CCSER1: variants seen among roughly 807,000 people sequenced by gnomAD.
The protein encoded by CCSER1 is coiled-coil serine rich protein 1, also known as serine-rich coiled-coil domain-containing protein 1.
In CCSER1, 41 loss-of-function variants were observed where a neutral mutation model predicts 82.0. That is an observed-to-expected ratio of 0.50 (90% CI 0.39 to 0.65). CCSER1 has a LOEUF of 0.65. Ranked by LOEUF, CCSER1 falls within the 30% of genes least tolerant of loss-of-function variation. The pLI is 0.00. For synonymous variants in CCSER1, 414 were observed against 383.9 expected (o/e 1.08, Z -0.92); for missense variants, 1,119 against 1,064.2 (o/e 1.05, Z -0.72).
intron 10 of CCSER1, among the ~76,000 whole-genome samples, chr4:91,229,804 C>T (rs1159524114): frequency 6.6e-6 from 1 of 151,830 alleles, no homozygotes; most frequent in Non-Finnish European, 1.5e-5. Context: ...TGGACACAGG[C>T]AGGGGAACAT....
chr4:90,463,583 T>A (rs922773790), intron 4 of CCSER1, among the ~76,000 whole-genome samples: 6 of 152,202 alleles, frequency 3.9e-5, no homozygotes, highest in Admixed American at 1.3e-4. Flanking sequence ...CGGGTTGTTA[T>A]GTGGTAGATA....
rs7667419 is a variant in CCSER1, at chr4:90,299,909, A to C, written c.-41-8335A>C. On this transcript the variant is annotated intron_variant, in intron 1 of 10. Coordinates refer to ENST00000509176, the MANE Select transcript of CCSER1 (RefSeq NM_001145065.2). ...GATCAATGTCCTTTGATATGTTTACATATTATTAATTTTCTGCCATCATTT... is the reference window on the plus strand; with the variant it reads ...GATCAATGTCCTTTGATATGTTTACCTATTATTAATTTTCTGCCATCATTT... 2.9e-3 allele frequency among the ~76,000 whole-genome samples: 448 copies of C among 152,262 alleles called. 2 individuals carry two copies. Among genetic ancestry groups the C allele is most frequent in the African/African-American group, 0.01 (435 of 41,560 alleles).
intron 10 of CCSER1, among the ~76,000 whole-genome samples, chr4:91,461,020 C>T (rs765309930): frequency 2.0e-5 from 3 of 152,170 alleles, no homozygotes; most frequent in Non-Finnish European, 4.4e-5. Flanking sequence ...CCATGAGTCT[C>T]AGTTTCTCTT....
At chr4:90,253,604 G>T (rs1343553139) in intron 1 of CCSER1, among the ~76,000 whole-genome samples, 1 of 151,998 alleles carries the variant, frequency 6.6e-6, no homozygotes, top group East Asian at 1.9e-4. Context: ...TTCTCTTGAT[G>T]CTTTCAAGAT....
intron 3 of CCSER1, among the ~76,000 whole-genome samples, chr4:90,347,950 A>T (rs1052804818): frequency 6.6e-6 from 1 of 152,176 alleles, no homozygotes. Flanking sequence ...AAAGAACAAG[A>T]TCATGTTCTT....
chr4:91,175,696 T>G (rs1479371134), intron 10 of CCSER1, among the ~76,000 whole-genome samples: 1 of 152,222 alleles, frequency 6.6e-6, no homozygotes, highest in African/African-American at 2.4e-5. Context: ...GTAAATTTGC[T>G]TAAGTTCTTT....
intron 10 of CCSER1, among the ~76,000 whole-genome samples, chr4:91,550,558 T>G (rs1196443449): frequency 6.6e-6 from 1 of 152,320 alleles, no homozygotes; most frequent in South Asian, 2.1e-4. Flanking sequence ...CAGCTTTTCG[T>G]TTATTGTTAG....
At chr4:90,143,640 T>G (rs1725244510) in intron 1 of CCSER1, among the ~76,000 whole-genome samples, 1 of 152,012 alleles carries the variant, frequency 6.6e-6, no homozygotes, top group South Asian at 2.1e-4. Flanking sequence ...AACTAAGTCT[T>G]GAATATGCTT....
At chr4:91,214,283 A>G (rs1737064591) in intron 10 of CCSER1, among the ~76,000 whole-genome samples, 1 of 152,188 alleles carries the variant, frequency 6.6e-6, no homozygotes, top group Non-Finnish European at 1.5e-5. Flanking sequence ...CCACATAAAT[A>G]TGTAGGTATT....
At chr4:91,289,580 T>C (rs1183674547) in intron 10 of CCSER1, among the ~76,000 whole-genome samples, 1 of 152,012 alleles carries the variant, frequency 6.6e-6, no homozygotes, top group Non-Finnish European at 1.5e-5. Context: ...ATGCCTGTGA[T>C]GGTCTCATCT....
At chr4:90,496,524 T>A (rs1318022762) in intron 5 of CCSER1, among the ~76,000 whole-genome samples, 1 of 152,158 alleles carries the variant, frequency 6.6e-6, no homozygotes, top group Non-Finnish European at 1.5e-5. Flanking sequence ...AAACTAGGTG[T>A]GATTTCAATT....
chr4:91,589,606 G>A (rs1167842147), intron 10 of CCSER1, among the ~76,000 whole-genome samples: 1 of 147,174 alleles, frequency 6.8e-6, no homozygotes, highest in African/African-American at 2.5e-5. Flanking sequence ...GCTATACTAA[G>A]CCACTACAAT....
intron 6 of CCSER1, among the ~76,000 whole-genome samples, chr4:90,705,478 G>A (rs1739150298): frequency 2.0e-5 from 3 of 152,188 alleles, no homozygotes; most frequent in Non-Finnish European, 4.4e-5. Context: ...CATGCTGGGA[G>A]AACTACTACT....
At chr4:90,502,305 G>A (rs1374655350) in intron 5 of CCSER1, among the ~76,000 whole-genome samples, 3 of 152,146 alleles carry the variant, frequency 2.0e-5, no homozygotes, top group Non-Finnish European at 4.4e-5. Flanking sequence ...GAGAAAGAGA[G>A]CACAAGGGGA....
chr4:91,264,724 T>G (rs1741443542), intron 10 of CCSER1, among the ~76,000 whole-genome samples: 1 of 152,040 alleles, frequency 6.6e-6, no homozygotes, highest in South Asian at 2.1e-4. Context: ...CCTGCTTAGC[T>G]TCTGAGATAG....
intron 6 of CCSER1, among the ~76,000 whole-genome samples, chr4:90,643,538 A>T (rs1023493080): frequency 1.3e-5 from 2 of 152,228 alleles, no homozygotes; most frequent in African/African-American, 4.8e-5. Context: ...GATAACAGTC[A>T]CATATCACTT....
chr4:90,491,149 A>G (rs1347732427), intron 5 of CCSER1, among the ~76,000 whole-genome samples: 1 of 140,480 alleles, frequency 7.1e-6, no homozygotes, highest in Non-Finnish European at 1.5e-5. Context: ...CTTCCTATCC[A>G]TGAGTATGGA....
intron 9 of CCSER1, chr4:90,938,681 G>A: frequency 2.6e-6 from 1 of 388,178 alleles, no homozygotes; most frequent in East Asian, 7.5e-5. Flanking sequence ...TCAAGGCCCT[G>A]TGGAATCCTA....
chr4:91,490,051 C>T (rs1002195687), intron 10 of CCSER1, among the ~76,000 whole-genome samples: 2 of 152,106 alleles, frequency 1.3e-5, no homozygotes, highest in Admixed American at 6.6e-5. Flanking sequence ...AGGTATGTCA[C>T]CCCAGTTAAA....
Sources: gnomAD v4.1 joint callset for allele counts (sites outside exome capture counted in the v4.1 genomes callset) on GRCh38, gnomAD v4.1.1 for gene constraint, MANE v1.5 for transcripts, NCBI Gene and HGNC (gene_info 2026-07-23, HGNC 2026-07-21) for gene names.